The following LOXL2 variants were observed in gnomAD, a reference collection of about 807,000 sequenced individuals.
LOXL2 encodes lysyl oxidase homolog 2.
A neutral mutation model predicts 93.0 loss-of-function variants in LOXL2; 70 were observed. The ratio of observed to expected loss-of-function variants is 0.75; its 90% CI spans 0.62 to 0.92. The LOEUF (loss-of-function observed/expected upper bound fraction) is 0.92, where lower values mean the gene tolerates loss of function less well. Among genes scored for constraint, LOXL2 ranks in the 40% least tolerant of loss-of-function variants. The pLI is 0.00. For missense variants in LOXL2, 973 were observed against 1,054.9 expected, an observed-to-expected ratio of 0.92 and a Z score of 1.08; for synonymous variants, 438 against 413.2, an observed-to-expected ratio of 1.06 and a Z score of -0.73.
At chr8:23,328,352 G>C (rs556792320) in intron 6 of LOXL2, 30 bp downstream of exon 6, 2 of 1,608,714 alleles carry the variant, frequency 1.2e-6, no homozygotes, top group Non-Finnish European at 1.7e-6. Flanking sequence ...CCCAGGAAGA[G>C]AGGCCCCCTC....
chr8:23,368,843 G>GGGAGCTGTCTCTTA lies in LOXL2; in HGVS notation c.-83-423_-83-410dup, dbSNP rs750681162. 4.9e-3 allele frequency among the ~76,000 whole-genome samples: 581 copies of GGGAGCTGTCTCTTA among 117,760 alleles called. 3 individuals carry two copies. Among genetic ancestry groups the GGGAGCTGTCTCTTA allele is most frequent in the Non-Finnish European group, 8.8e-3 (423 of 47,884 alleles). The allele number at this position is 117,760 out of a possible 152,430, so 77.3% of individuals were successfully genotyped here. On this transcript the variant is annotated intron_variant, in intron 1 of 13. Coordinates refer to ENST00000389131, the MANE Select transcript of LOXL2 (RefSeq NM_002318.3). ...GGGGTGAGAACTGGAGACTGGCAGA[G>GGGAGCTGTCTCTTA]GGAGCTGTCTCTTAGGAGCTGTGGC...
chr8:23,321,202 G>A (rs972491626), intron 7 of LOXL2, among the ~76,000 whole-genome samples: 6 of 152,186 alleles, frequency 3.9e-5, no homozygotes, highest in African/African-American at 7.2e-5. Context: ...CTCTGGCTGC[G>A]GAATGTGGCT....
chr8:23,357,917 G>A (rs1159978863), intron 3 of LOXL2, among the ~76,000 whole-genome samples: 1 of 152,120 alleles, frequency 6.6e-6, no homozygotes, highest in East Asian at 1.9e-4. Flanking sequence ...ACATTTCTGG[G>A]GAGAAGAGAA....
chr8:23,366,343 G>A (rs958771792), intron 2 of LOXL2, among the ~76,000 whole-genome samples: 2 of 152,360 alleles, frequency 1.3e-5, no homozygotes, highest in South Asian at 2.1e-4. Context: ...GCAAGCTGCA[G>A]AGAACATTTG....
chr8:23,382,850 T>G (rs1215945197), intron 1 of LOXL2, among the ~76,000 whole-genome samples: 1 of 152,148 alleles, frequency 6.6e-6, no homozygotes, highest in African/African-American at 2.4e-5. Context: ...GATGATGCTC[T>G]TCTCTGGGGT....
chr8:23,307,795 G>A (rs996784057), intron 10 of LOXL2, among the ~76,000 whole-genome samples: 4 of 152,002 alleles, frequency 2.6e-5, no homozygotes, highest in African/African-American at 9.7e-5. Context: ...TCTCTATAAA[G>A]ACCACACCTT....
intron 1 of LOXL2, among the ~76,000 whole-genome samples, chr8:23,380,383 C>G (rs374652098): frequency 2.8e-4 from 30 of 107,420 alleles, no homozygotes; most frequent in African/African-American, 1.3e-3. Context: ...CAGAGCGAGA[C>G]TCCGTCTCAA....
intron 1 of LOXL2, among the ~76,000 whole-genome samples, chr8:23,378,975 G>A (rs893432557): frequency 6.6e-6 from 1 of 152,110 alleles, no homozygotes; most frequent in Non-Finnish European, 1.5e-5. Context: ...CATTGCTGGC[G>A]AGGAGCTGTG....
intron 3 of LOXL2, 74 bp from the exon 4 acceptor site, chr8:23,341,277 T>G: frequency 8.0e-7 from 1 of 1,251,334 alleles, no homozygotes; most frequent in Non-Finnish European, 1.2e-6. Context: ...CAACCAGTAC[T>G]TCTTTAGCGA....
intron 1 of LOXL2, chr8:23,371,033 A>T (rs1442279292): frequency 6.6e-6 from 1 of 152,298 alleles, no homozygotes. Flanking sequence ...AGAAGACAAG[A>T]TAGAAAGAAA....
chr8:23,400,226 T>A (rs1350523500), intron 1 of LOXL2, among the ~76,000 whole-genome samples: 1 of 152,220 alleles, frequency 6.6e-6, no homozygotes, highest in Non-Finnish European at 1.5e-5. Flanking sequence ...ATGCTGCTAA[T>A]AAAGACATAC....
chr8:23,396,589 T>C (rs1800091808), intron 1 of LOXL2, among the ~76,000 whole-genome samples: 4 of 152,312 alleles, frequency 2.6e-5, no homozygotes, highest in African/African-American at 9.6e-5. Context: ...TGTACTCCCA[T>C]CCCTAGACGT....
chr8:23,303,592 G>T (rs2117140046), intron 10 of LOXL2, among the ~76,000 whole-genome samples, 195 bp from the exon 11 acceptor site: 1 of 152,316 alleles, frequency 6.6e-6, no homozygotes, highest in East Asian at 1.9e-4. Flanking sequence ...TCTGGAGTCA[G>T]ACCACTGCTC....
intron 1 of LOXL2, among the ~76,000 whole-genome samples, chr8:23,402,251 ACT>A (rs1800161739): frequency 6.6e-6 from 1 of 151,736 alleles, no homozygotes. Flanking sequence ...ACACAAACAC[ACT>A]CGTGTGGAGA....
chr8:23,378,087 C>T (rs1443814043), intron 1 of LOXL2, among the ~76,000 whole-genome samples: 2 of 152,166 alleles, frequency 1.3e-5, no homozygotes, highest in African/African-American at 4.8e-5. Flanking sequence ...CTGGTTGTTC[C>T]TTTCCATGTT....
chr8:23,311,735 G>C (rs1319138047), intron 9 of LOXL2, among the ~76,000 whole-genome samples: 1 of 152,208 alleles, frequency 6.6e-6, no homozygotes, highest in African/African-American at 2.4e-5. Context: ...TCTCTGGACA[G>C]AGCTGAGCAA....
At chr8:23,391,588 G>A (rs892730048) in intron 1 of LOXL2, among the ~76,000 whole-genome samples, 2 of 152,058 alleles carry the variant, frequency 1.3e-5, no homozygotes, top group African/African-American at 4.8e-5. Context: ...TGGCCAAATC[G>A]GTCTGAGTTT....
At chr8:23,322,080 A>G in intron 7 of LOXL2, 50 bp downstream of exon 7, 9 of 1,598,580 alleles carry the variant, frequency 5.6e-6, no homozygotes, top group Non-Finnish European at 7.7e-6. Context: ...CTGTGGCTAT[A>G]CTTTCTGCAG....
At chr8:23,330,093 A>G (rs554525477) in intron 5 of LOXL2, among the ~76,000 whole-genome samples, 14 of 152,352 alleles carry the variant, frequency 9.2e-5, no homozygotes, top group African/African-American at 3.1e-4. Flanking sequence ...TGGGAGGCCA[A>G]GGCGGGTGGA....
Sources: gnomAD v4.1 joint callset for allele counts (sites outside exome capture counted in the v4.1 genomes callset) on GRCh38, gnomAD v4.1.1 for gene constraint, MANE v1.5 for transcripts, NCBI Gene and HGNC (gene_info 2026-07-23, HGNC 2026-07-21) for gene names.